CDC42EP3: variants seen among roughly 807,000 people sequenced by gnomAD.
CDC42EP3 encodes the protein CDC42 effector protein 3, also known as CDC42 effector protein (Rho GTPase binding) 3.
Under a neutral mutation model 15.5 loss-of-function variants are expected in CDC42EP3, and 4 were observed. That is an observed-to-expected ratio of 0.26 (90% CI 0.13 to 0.59). The LOEUF is 0.59. Among genes scored for constraint, CDC42EP3 ranks in the 20% least tolerant of loss-of-function variants. CDC42EP3 has a pLI of 0.89. For synonymous variants in CDC42EP3, 145 were observed against 130.3 expected, an observed-to-expected ratio of 1.11 and a Z score of -0.77; for missense variants, 309 against 311.2, an observed-to-expected ratio of 0.99 and a Z score of 0.05.
At chr2:37,656,359 G>A (rs967615612) in intron 1 of CDC42EP3, among the ~76,000 whole-genome samples, 2 of 152,182 alleles carry the variant, frequency 1.3e-5, no homozygotes, top group Non-Finnish European at 2.9e-5. Flanking sequence ...CACAACACAT[G>A]GCCCACAGTG....
chr2:37,666,324 AG>A (rs1444500100), intron 1 of CDC42EP3, among the ~76,000 whole-genome samples: 1 of 152,218 alleles, frequency 6.6e-6, no homozygotes, highest in African/African-American at 2.4e-5. Context: ...TGTTCTGAGA[AG>A]TCCTGCAGAA....
At chr2:37,665,578 TATG>T (rs1387717505) in intron 1 of CDC42EP3, among the ~76,000 whole-genome samples, 2 of 152,208 alleles carry the variant, frequency 1.3e-5, no homozygotes, top group Non-Finnish European at 2.9e-5. Context: ...CCTAAATGAT[TATG>T]ATGTATTTGG....
intron 1 of CDC42EP3, among the ~76,000 whole-genome samples, chr2:37,652,295 C>T (rs1424212811): frequency 6.6e-6 from 1 of 151,258 alleles, no homozygotes; most frequent in East Asian, 1.9e-4. Flanking sequence ...CAGGGCTTTG[C>T]GTTCTGCCCA....
Position 37,645,927 on chromosome 2 carries a change from C to T in CDC42EP3, c.661G>A (p.Glu221Lys), listed in dbSNP as rs916996426. 1.2e-6 allele frequency: 2 copies of T among 1,613,774 alleles called. No individual in the cohort carries two copies. Among genetic ancestry groups the T allele is most frequent in the Admixed American group, 3.3e-5 (2 of 59,984 alleles). ...CELIKGKTKSEESLSDLTGSL... is the reference protein window; with the variant it reads ...CELIKGKTKSKESLSDLTGSL... ...CCTGTAAGGTCAGAGAGGGACTCCT[C>T]TGACTTAGTCTTTCCCTTGATGAGC... The change falls in exon 2 of 2, where the codon GAG becomes AAG. Residue 221 changes from glutamate (E) to lysine (K), a missense_variant. By Grantham distance (56) the Glu-to-Lys change is moderately conservative (BLOSUM62 1). Coordinates refer to ENST00000295324, the MANE Select transcript of CDC42EP3 (RefSeq NM_006449.5).
In CDC42EP3 at chr2:37,642,788, A is replaced by C. The variant is rs914884541; in HGVS notation, c.*3035T>G. On this transcript the variant is annotated 3_prime_UTR_variant, in exon 2 of 2. Transcript: ENST00000295324. The stretch of plus-strand genomic sequence containing the variant: ...CAGAAAAAACAGGTCACTTGCAGTA[A>C]TATAGAAGGACTAAACTGTGATTCT... 1 of 152,178 alleles carries C rather than the reference A, an allele frequency of 6.6e-6. No homozygotes were observed. The highest frequency in any genetic ancestry group is 2.4e-5 in the African/African-American group (1 of 41,432). The allele number at this position is 152,178 out of a possible 1,614,324, so 9.4% of individuals were successfully genotyped here.
intron 1 of CDC42EP3, among the ~76,000 whole-genome samples, chr2:37,670,543 C>G (rs1350485946): frequency 6.7e-6 from 1 of 148,906 alleles, no homozygotes. Flanking sequence ...AGGCTGCACT[C>G]TGGGGCTTTT....
intron 1 of CDC42EP3, among the ~76,000 whole-genome samples, chr2:37,649,573 T>C (rs1572508644): frequency 7.0e-6 from 1 of 142,554 alleles, no homozygotes; most frequent in South Asian, 2.3e-4. Flanking sequence ...TTTGGGACAG[T>C]GAGGAGGAAG....
At chr2:37,661,077 T>C (rs1572520819) in intron 1 of CDC42EP3, among the ~76,000 whole-genome samples, 1 of 151,794 alleles carries the variant, frequency 6.6e-6, no homozygotes, top group Admixed American at 6.6e-5. Context: ...TATGTATGCA[T>C]ATGTATGTAT....
intron 1 of CDC42EP3, among the ~76,000 whole-genome samples, chr2:37,650,586 A>T (rs1236939256): frequency 6.6e-6 from 1 of 152,220 alleles, no homozygotes; most frequent in Non-Finnish European, 1.5e-5. Context: ...ATGGATCACT[A>T]CTGACGAACT....
Position 37,646,015 on chromosome 2 carries a change from G to T in CDC42EP3, c.573C>A (p.Ser191Arg). ...GCCAGTCGGGGTACTGTTCGGACAGGCTGGAGGAGTGGCTGTCTCTGCCTT... is the reference window on the plus strand; with the variant it reads ...GCCAGTCGGGGTACTGTTCGGACAGTCTGGAGGAGTGGCTGTCTCTGCCTT... Reference protein sequence around the residue: ...SSQGRDSHSSSLSEQYPDWPA... With the variant: ...SSQGRDSHSSRLSEQYPDWPA... The change falls in exon 2 of 2, where the codon AGC becomes AGA. Residue 191 changes from serine to arginine, a missense_variant. Transcript: ENST00000295324. The T allele has an allele frequency of 6.2e-7, 1 of 1,613,992 alleles. No homozygotes were observed. The highest frequency in any genetic ancestry group is 8.5e-7 in the Non-Finnish European group (1 of 1,179,938).
rs1041121207 is a variant in CDC42EP3, at chr2:37,642,218, A to G, written c.*3605T>C. ...AAACAAGTGTGTCCATAAATCAACC[A>G]AAAGACCATCTCCTCCTTTAGGAAA... On this transcript the variant is annotated 3_prime_UTR_variant, in exon 2 of 2. Transcript: ENST00000295324. 1 of 152,240 alleles carries G rather than the reference A, an allele frequency of 6.6e-6. No individual in the cohort carries two copies. Among genetic ancestry groups the G allele is most frequent in the South Asian group, 2.1e-4 (1 of 4,836 alleles). The allele number at this position is 152,240 out of a possible 1,614,324, so 9.4% of individuals were successfully genotyped here. A position where few individuals can be genotyped will look rare whatever the true frequency, so the allele number is the denominator to read the frequency against.
chr2:37,647,470 G>A (rs1192680737), intron 1 of CDC42EP3: 1 of 152,188 alleles, frequency 6.6e-6, no homozygotes, highest in East Asian at 1.9e-4. Flanking sequence ...TTGGGCTGTC[G>A]AGGATGTCAG....
Position 37,645,955 on chromosome 2 carries a change from G to C in CDC42EP3, c.633C>G (p.Cys211Trp), listed in dbSNP as rs142081658. 5 of 1,613,912 alleles carry C rather than the reference G, an allele frequency of 3.1e-6. No individual in the cohort carries two copies. Among genetic ancestry groups the C allele is most frequent in the Non-Finnish European group, 4.2e-6 (5 of 1,179,932 alleles). ...AEDMFDHPTP[C>W]ELIKGKTKSE... ...ACTTAGTCTTTCCCTTGATGAGCTC[G>C]CATGGGGTGGGATGGTCAAACATGT... is the stretch of plus-strand genomic sequence containing the variant. The change falls in exon 2 of 2, where the codon TGC becomes TGG. Residue 211 changes from cysteine (C) to tryptophan (W), a missense_variant. By Grantham distance (215) the Cys-to-Trp change is radical. Transcript: ENST00000295324.
intron 1 of CDC42EP3, among the ~76,000 whole-genome samples, chr2:37,650,386 G>C (rs1317340992): frequency 6.6e-6 from 1 of 152,156 alleles, no homozygotes; most frequent in Non-Finnish European, 1.5e-5. Flanking sequence ...AACCTAATGG[G>C]ATAGTTTCTT....
At chr2:37,649,445 CAAAAAAAAAAAAAAAAAAAAA>C (rs57232687) in intron 1 of CDC42EP3, among the ~76,000 whole-genome samples, 3 of 48,172 alleles carry the variant, frequency 6.2e-5, no homozygotes, top group South Asian at 1.1e-3. Context: ...GGCCTTGTCT[CAAAAAAAAAAAAAAAAAAAAA>C]AAAAAAAAAA....
At chr2:37,652,766 G>T (rs975313085) in intron 1 of CDC42EP3, among the ~76,000 whole-genome samples, 1 of 151,610 alleles carries the variant, frequency 6.6e-6, no homozygotes, top group Non-Finnish European at 1.5e-5. Context: ...AGAACAAGGG[G>T]TCTTGCCATG....
At chr2:37,651,044 C>A (rs2058400) in intron 1 of CDC42EP3, among the ~76,000 whole-genome samples, 144,720 of 152,306 alleles carry the variant, frequency 0.95, 68,848 homozygotes, top group East Asian at 1. Context: ...GCGTATCCTT[C>A]CAAATAAATA....
rs929561923 is a variant in CDC42EP3, at chr2:37,644,463, C to T, written c.*1360G>A. 6.6e-6 allele frequency: 1 copy of T among 152,030 alleles called. No homozygotes were observed. Among genetic ancestry groups the T allele is most frequent in the African/African-American group, 2.4e-5 (1 of 41,366 alleles). The allele number at this position is 152,030 out of a possible 1,614,324, so 9.4% of individuals were successfully genotyped here. A position where few individuals can be genotyped will look rare whatever the true frequency, so the allele number is the denominator to read the frequency against. ...TCGGGTAAGTGCTCTCTACTGCCCT[C>T]GTTTTAGCTGCCTTTATCTCGTCTA... On this transcript the variant is annotated 3_prime_UTR_variant, in exon 2 of 2. Transcript: ENST00000295324.
chr2:37,642,205 C>T lies in CDC42EP3; in HGVS notation c.*3618G>A, dbSNP rs890064666. 1.3e-5 allele frequency: 2 copies of T among 152,168 alleles called. No homozygotes were observed. Among genetic ancestry groups the T allele is most frequent in the Admixed American group, 1.3e-4 (2 of 15,284 alleles). 9.4% of individuals were successfully genotyped at this position (152,168 alleles called of 1,614,324 possible). A position where few individuals can be genotyped will look rare whatever the true frequency, so the allele number is the denominator to read the frequency against. The stretch of plus-strand genomic sequence containing the variant: ...TTACAGTCAGATGAAACAAGTGTGT[C>T]CATAAATCAACCAAAAGACCATCTC... On this transcript the variant is annotated 3_prime_UTR_variant, in exon 2 of 2. Transcript: ENST00000295324.
Sources: gnomAD v4.1 joint callset for allele counts (sites outside exome capture counted in the v4.1 genomes callset) on GRCh38, gnomAD v4.1.1 for gene constraint, MANE v1.5 for transcripts, NCBI Gene and HGNC (gene_info 2026-07-23, HGNC 2026-07-21) for gene names.